The following CPN1 variants were observed in gnomAD, a reference collection of about 807,000 sequenced individuals.
The protein encoded by CPN1 is carboxypeptidase N subunit 1.
Under a neutral mutation model 46.4 loss-of-function variants are expected in CPN1, and 37 were observed. The ratio of observed to expected loss-of-function variants is 0.80; its 90% CI spans 0.61 to 1.05. The LOEUF (loss-of-function observed/expected upper bound fraction) is 1.05, where lower values mean the gene tolerates loss of function less well. Among genes scored for constraint, CPN1 ranks in the 50% least tolerant of loss-of-function variants. The probability of loss-of-function intolerance (pLI) is 0.00; values close to 1 mark genes in which losing one functional copy is unlikely to be tolerated. For synonymous variants in CPN1, 224 were observed against 235.4 expected (o/e 0.95, Z 0.44); for missense variants, 563 against 602.6 (o/e 0.93, Z 0.69).
At chr10:100,056,664 C>T (rs959544948) in intron 6 of CPN1, among the ~76,000 whole-genome samples, 7 of 151,954 alleles carry the variant, frequency 4.6e-5, no homozygotes, top group Admixed American at 4.6e-4. Context: ...ATCCTCCCAC[C>T]TCATCCTCCT....
intron 3 of CPN1, among the ~76,000 whole-genome samples, chr10:100,068,166 A>G (rs892110958): frequency 5.0e-4 from 75 of 151,482 alleles, no homozygotes; most frequent in Non-Finnish European, 7.5e-4. Flanking sequence ...AAAAAAAAAA[A>G]AAAGAAAGAA....
intron 2 of CPN1, 50 bp downstream of exon 2, chr10:100,075,861 T>A: frequency 6.3e-7 from 1 of 1,584,374 alleles, no homozygotes; most frequent in Non-Finnish European, 8.7e-7. Flanking sequence ...TGGACTTTAT[T>A]TCCTAAGAAG....
In CPN1 at chr10:100,048,805, C is replaced by A; in HGVS notation, c.1183G>T (p.Asp395Tyr). Residue 395 changes from aspartate to tyrosine, a missense_variant, in exon 8 of 9, where the codon GAC becomes TAC. Asp to Tyr is a radical substitution (Grantham distance 160, BLOSUM62 -3). Transcript: ENST00000370418. ...YTVSATAPGY[D>Y]PETVTVTVGP... is the part of the protein sequence containing the mutation. ...ACGGTCACAGTTACTGTCTCTGGGT[C>A]ATACCCAGGTGCTGTGGCACTAACA... 1 of 1,613,784 alleles carries A rather than the reference C, an allele frequency of 6.2e-7. No homozygotes were observed. Among genetic ancestry groups the A allele is most frequent in the South Asian group, 1.1e-5 (1 of 91,046 alleles).
intron 2 of CPN1, among the ~76,000 whole-genome samples, chr10:100,073,984 T>G (rs2041500383): frequency 6.6e-6 from 1 of 151,994 alleles, no homozygotes; most frequent in African/African-American, 2.4e-5. Context: ...ACCTTTGGCC[T>G]CCCTCTTCTA....
At position 100,063,552 on chromosome 10, in the gene CPN1, T is replaced by C. The variant is rs2041433641; in HGVS notation, c.871+62A>G. The C allele has an allele frequency of 6.4e-6, 8 of 1,258,914 alleles. No homozygotes were observed. The South Asian group carries it at 9.5e-5, about 15-fold the overall frequency. The allele number at this position is 1,258,914 out of a possible 1,614,324, so 78.0% of individuals were successfully genotyped here. A position where few individuals can be genotyped will look rare whatever the true frequency, so the allele number is the denominator to read the frequency against. Reference sequence around the variant, plus strand: ...ATTGTTTCCCTGAGAAAACTGGGAATTTAGAAGGAGAAATGAGCACTATTC... The same window carrying C: ...ATTGTTTCCCTGAGAAAACTGGGAACTTAGAAGGAGAAATGAGCACTATTC... On this transcript the variant is annotated intron_variant, in intron 5 of 8. Transcript: ENST00000370418.
In CPN1 at chr10:100,057,134, T is replaced by A; in HGVS notation, c.890A>T (p.Tyr297Phe). 2 of 1,614,132 alleles carry A rather than the reference T, an allele frequency of 1.2e-6. No individual in the cohort carries two copies. Among genetic ancestry groups the A allele is most frequent in the Non-Finnish European group, 1.7e-6 (2 of 1,180,018 alleles). The part of the protein sequence containing the change: ...SLSKGMQDFN[Y>F]LHTNCFEITL... ...GATCTCAAAGCAGTTGGTATGGAGATAATTAAAGTCTTGCATTCCTAAGGG... is the reference window on the plus strand; with the variant it reads ...GATCTCAAAGCAGTTGGTATGGAGAAAATTAAAGTCTTGCATTCCTAAGGG... The change falls in exon 6 of 9, where the codon TAT becomes TTT. Residue 297 changes from tyrosine (Y) to phenylalanine (F), a missense_variant. Transcript: ENST00000370418.
chr10:100,054,372 A>G lies in CPN1; in HGVS notation c.1086T>C (p.Ser362=). The part of the protein sequence containing the change: ...NNLANAVISV[S]GINHDVTSGD... ...CTGAAGTGACATCATGGTTAATCCC[A>G]CTGACAGAAATGACAGCATTGGCGA... Residue 362 remains serine, a synonymous_variant, in exon 7 of 9, where the codon AGT becomes AGC. Coordinates refer to ENST00000370418, the MANE Select transcript of CPN1 (RefSeq NM_001308.3). The G allele has an allele frequency of 6.2e-7, 1 of 1,613,998 alleles. No individual in the cohort carries two copies. The highest frequency in any genetic ancestry group is 8.5e-7 in the Non-Finnish European group (1 of 1,179,922).
chr10:100,072,525 A>G (rs1416444952), intron 2 of CPN1, among the ~76,000 whole-genome samples: 1 of 151,870 alleles, frequency 6.6e-6, no homozygotes, highest in East Asian at 1.9e-4. Context: ...CACTATGGAA[A>G]CTCACTCCTC....
chr10:100,072,773 G>T (rs546558934), intron 2 of CPN1, among the ~76,000 whole-genome samples: 1 of 152,230 alleles, frequency 6.6e-6, no homozygotes, highest in Non-Finnish European at 1.5e-5. Context: ...TAGCCTTCTA[G>T]GAATTCATAG....
intron 7 of CPN1, among the ~76,000 whole-genome samples, chr10:100,051,393 T>C (rs904466815): frequency 5.3e-5 from 8 of 152,134 alleles, no homozygotes; most frequent in Non-Finnish European, 8.8e-5. Context: ...TTAGCGAGTG[T>C]TGTATCAGAA....
chr10:100,081,682 C>T lies in CPN1; in HGVS notation c.-57G>A. 1 of 1,467,476 alleles carries T rather than the reference C, an allele frequency of 6.8e-7. No homozygotes were observed. The highest frequency in any genetic ancestry group is 9.4e-7 in the Non-Finnish European group (1 of 1,061,332). The allele number at this position is 1,467,476 out of a possible 1,614,324, so 90.9% of individuals were successfully genotyped here. On this transcript the variant is annotated 5_prime_UTR_variant, in exon 1 of 9. Transcript: ENST00000370418. Reference sequence around the variant, plus strand: ...AACGCGCCCCACCTCCTTAAACAACCTAGCCTCTTCACCCGCCAAAATCCA... The same window carrying T: ...AACGCGCCCCACCTCCTTAAACAACTTAGCCTCTTCACCCGCCAAAATCCA...
At chr10:100,053,950 A>G (rs1564771647) in intron 7 of CPN1, among the ~76,000 whole-genome samples, 1 of 152,062 alleles carries the variant, frequency 6.6e-6, no homozygotes, top group Non-Finnish European at 1.5e-5. Context: ...AAGGCTAACT[A>G]TCTGTTTCAC....
chr10:100,057,347 G>A (rs953512113), intron 5 of CPN1, among the ~76,000 whole-genome samples, 195 bp from the exon 6 acceptor site: 9 of 151,958 alleles, frequency 5.9e-5, no homozygotes, highest in African/African-American at 9.7e-5. Flanking sequence ...ATATTCATGG[G>A]GCACACATAG....
At chr10:100,074,021 A>C (rs2041500468) in intron 2 of CPN1, among the ~76,000 whole-genome samples, 1 of 145,248 alleles carries the variant, frequency 6.9e-6, no homozygotes, top group Non-Finnish European at 1.6e-5. Context: ...GTAATTGATT[A>C]CACTGGGCCC....
chr10:100,048,737 G>T, intron 8 of CPN1, 21 bp downstream of exon 8: 1 of 1,526,064 alleles, frequency 6.6e-7, no homozygotes, highest in Non-Finnish European at 9.1e-7. Flanking sequence ...ACAGTGCACC[G>T]TCAAGCTCAG....
chr10:100,072,549 AT>A (rs2041492131), intron 2 of CPN1, among the ~76,000 whole-genome samples: 1 of 152,194 alleles, frequency 6.6e-6, no homozygotes, highest in Non-Finnish European at 1.5e-5. Context: ...CCTTCAAAAA[AT>A]TTAGGATGCT....
intron 1 of CPN1, among the ~76,000 whole-genome samples, chr10:100,080,551 C>T (rs1167898577): frequency 1.3e-5 from 2 of 152,086 alleles, no homozygotes; most frequent in African/African-American, 4.8e-5. Context: ...TATCTAATCT[C>T]TAAATTTTAA....
intron 4 of CPN1, among the ~76,000 whole-genome samples, chr10:100,063,982 G>C (rs1481963686): frequency 3.3e-5 from 5 of 152,188 alleles, no homozygotes; most frequent in Non-Finnish European, 5.9e-5. Flanking sequence ...ATGTGTGGTA[G>C]ACTAGAGTTA....
At position 100,069,783 on chromosome 10, in the gene CPN1, A is replaced by G. The variant is rs1454410139; in HGVS notation, c.507T>C (p.Tyr169=). 8 of 1,613,880 alleles carry G rather than the reference A, an allele frequency of 5.0e-6. No individual in the cohort carries two copies. The highest frequency in any genetic ancestry group is 2.2e-5 in the East Asian group (1 of 44,870). The change falls in exon 3 of 9, where the codon TAT becomes TAC. Residue 169 remains tyrosine (Y), a synonymous_variant. Transcript: ENST00000370418. ...CTCCGTACTTCTCGTTATAGTAGATATAGGTATTGAGATCAGGGAAGTTGC... is the reference window on the plus strand; with the variant it reads ...CTCCGTACTTCTCGTTATAGTAGATGTAGGTATTGAGATCAGGGAAGTTGC... The part of the protein sequence containing the change: ...LNRNFPDLNT[Y]IYYNEKYGGP...
Sources: gnomAD v4.1 joint callset for allele counts (sites outside exome capture counted in the v4.1 genomes callset) on GRCh38, gnomAD v4.1.1 for gene constraint, MANE v1.5 for transcripts, NCBI Gene and HGNC (gene_info 2026-07-23, HGNC 2026-07-21) for gene names.